CDH2: variants seen among roughly 807,000 people sequenced by gnomAD.
The protein encoded by CDH2 is cadherin 2.
Under a neutral mutation model 92.0 loss-of-function variants are expected in CDH2, and 17 were observed. The observed-to-expected ratio is 0.18, with a 90% CI of 0.13 to 0.28. The LOEUF (loss-of-function observed/expected upper bound fraction) is 0.28. CDH2 is among the 10% of genes least tolerant of loss of function. The pLI, the probability that CDH2 is intolerant of heterozygous loss-of-function variation, is 1.00. For missense variants in CDH2, 862 were observed against 1,133.1 expected (o/e 0.76, Z 3.44); for synonymous variants, 419 against 415.9 (o/e 1.01, Z -0.09).
rs17498246 is a variant in CDH2 at position 28,032,351 on chromosome 18, C to T, written c.173-18442G>A. On this transcript the variant is annotated intron_variant, in intron 2 of 15. Coordinates refer to ENST00000269141, the MANE Select transcript of CDH2 (RefSeq NM_001792.5). ...CAGCATCTGAACCATCAATTATAAC[C>T]CTGCTTCAACGAGAATGTGTGTTGA... is the stretch of plus-strand genomic sequence containing the variant. Among the ~76,000 whole-genome samples the T allele has an allele frequency of 2.0e-3, 297 of 152,152 alleles. 4 individuals carry two copies. In the East Asian group the frequency reaches 0.041, roughly 21 times the overall value.
At chr18:28,068,850 G>A (rs2144162447) in intron 2 of CDH2, among the ~76,000 whole-genome samples, 2 of 152,256 alleles carry the variant, frequency 1.3e-5, no homozygotes, top group Admixed American at 1.3e-4. Flanking sequence ...CATTTGAAAA[G>A]CTATTCAATC....
chr18:28,047,868 CAAAAAA>C (rs149752979), intron 2 of CDH2, among the ~76,000 whole-genome samples: 2 of 46,950 alleles, frequency 4.3e-5, no homozygotes, highest in Admixed American at 2.4e-4. Context: ...GACTCCATCT[CAAAAAA>C]AAAAAAAAAA....
rs11564408 is a variant in CDH2, at chr18:28,070,553, T to C, written c.173-56644A>G. 7.8e-3 allele frequency among the ~76,000 whole-genome samples: 1,186 copies of C among 152,292 alleles called. 5 individuals are homozygous for C. Among genetic ancestry groups the C allele is most frequent in the Middle Eastern group, 0.027 (8 of 294 alleles). On this transcript the variant is annotated intron_variant, in intron 2 of 15. Coordinates refer to ENST00000269141, the MANE Select transcript of CDH2 (RefSeq NM_001792.5). ...GATGCCGACCAAACTGCCAAGCTAATGCATCTGAGAAGGGAATACATACAA... is the reference window on the plus strand; with the variant it reads ...GATGCCGACCAAACTGCCAAGCTAACGCATCTGAGAAGGGAATACATACAA...
intron 6 of CDH2, among the ~76,000 whole-genome samples, chr18:27,936,352 C>T (rs371746491): frequency 9.9e-5 from 15 of 152,256 alleles, no homozygotes; most frequent in African/African-American, 3.6e-4. Context: ...ACTGACGATT[C>T]TGGGACACAA....
chr18:28,119,551 T>C (rs2015552301), intron 2 of CDH2, among the ~76,000 whole-genome samples: 1 of 152,142 alleles, frequency 6.6e-6, no homozygotes, highest in Non-Finnish European at 1.5e-5. Flanking sequence ...AATAATGCCT[T>C]AATATTGAGC....
rs1372256430 is a variant in CDH2 at position 28,028,093 on chromosome 18, GTTTCAACATGAA to G, written c.173-14196_173-14185del. ...TGTTAACTTTGAAAGAAAAAGAAGA[GTTTCAACATGAA>G]TTTTACTCATAACAGACATTTTGCT... On this transcript the variant is annotated intron_variant, in intron 2 of 15. Coordinates refer to ENST00000269141, the MANE Select transcript of CDH2 (RefSeq NM_001792.5). Among the ~76,000 whole-genome samples, 6 of 151,734 alleles carry G rather than the reference GTTTCAACATGAA, an allele frequency of 4.0e-5. No individual in the cohort carries two copies. The East Asian group carries it at 1.2e-3, about 29-fold the overall frequency.
At chr18:28,028,378 A>G (rs1395881323) in intron 2 of CDH2, among the ~76,000 whole-genome samples, 1 of 152,154 alleles carries the variant, frequency 6.6e-6, no homozygotes, top group African/African-American at 2.4e-5. Context: ...TAAGCACACT[A>G]GCCCCACTGG....
At chr18:28,149,965 G>A (rs958432529) in intron 1 of CDH2, among the ~76,000 whole-genome samples, 1 of 152,164 alleles carries the variant, frequency 6.6e-6, no homozygotes, top group African/African-American at 2.4e-5. Context: ...GGGACACTGG[G>A]AGACAGTCTG....
At chr18:27,941,132 T>G (rs1054637652) in intron 6 of CDH2, among the ~76,000 whole-genome samples, 1 of 148,510 alleles carries the variant, frequency 6.7e-6, no homozygotes, top group African/African-American at 2.5e-5. Flanking sequence ...GCCTCCCGGG[T>G]TCACGCCATT....
At chr18:28,153,608 C>G (rs1314811440) in intron 1 of CDH2, among the ~76,000 whole-genome samples, 4 of 152,210 alleles carry the variant, frequency 2.6e-5, no homozygotes. Flanking sequence ...GCAGCATGAA[C>G]TTCCAACAGG....
intron 2 of CDH2, among the ~76,000 whole-genome samples, chr18:28,023,006 A>G (rs1309048242): frequency 6.6e-6 from 1 of 152,266 alleles, no homozygotes; most frequent in Non-Finnish European, 1.5e-5. Flanking sequence ...ATTTAAACAC[A>G]CAATGTATTT....
At chr18:27,992,464 C>T (rs1470962629) in intron 9 of CDH2, among the ~76,000 whole-genome samples, 191 bp downstream of exon 9, 4 of 152,192 alleles carry the variant, frequency 2.6e-5, no homozygotes, top group South Asian at 2.1e-4. Context: ...TGTGAGAGTA[C>T]TGATGTTGGC....
At position 27,952,267 on chromosome 18, in the gene CDH2, G is replaced by A. The variant is rs1185037395; in HGVS notation, c.2607C>T (p.Ser869=). 1 of 1,613,584 alleles carries A rather than the reference G, an allele frequency of 6.2e-7. No homozygotes were observed. The part of the protein sequence containing the change: ...DYEGSGSTAG[S]LSSLNSSSSG... ...TACTTGAGGAATTAAGGGAGCTCAA[G>A]GACCCAGCAGTGGAGCCACTGCCTT... Residue 869 remains serine (S), a synonymous_variant, in exon 16 of 16, where the codon TCC becomes TCT. Coordinates refer to ENST00000269141, the MANE Select transcript of CDH2 (RefSeq NM_001792.5).
intron 1 of CDH2, chr18:28,159,370 T>C (rs1399061832): frequency 2.0e-5 from 3 of 152,228 alleles, no homozygotes; most frequent in African/African-American, 4.8e-5. Context: ...GACTTGCCAA[T>C]AGATGAAGGC....
chr18:27,942,408 G>A (rs1403043780), intron 6 of CDH2, among the ~76,000 whole-genome samples: 1 of 152,128 alleles, frequency 6.6e-6, no homozygotes, highest in East Asian at 1.9e-4. Context: ...TGCTCCAGGT[G>A]TCCCCTATTC....
chr18:27,948,621 A>T (rs940538164), downstream of CDH2, among the ~76,000 whole-genome samples: 13 of 151,968 alleles, frequency 8.6e-5, no homozygotes, highest in Admixed American at 7.2e-4. Context: ...AACAGGGAAA[A>T]TAAAATACGT....
intron 7 of CDH2, 108 bp downstream of exon 7, chr18:28,002,889 G>T: frequency 2.0e-6 from 2 of 1,012,782 alleles, no homozygotes; most frequent in South Asian, 1.5e-5. Context: ...ATTAGCATTT[G>T]AATAACACTG....
At chr18:27,935,142 G>T (rs1908987192) in intron 6 of CDH2, among the ~76,000 whole-genome samples, 1 of 152,116 alleles carries the variant, frequency 6.6e-6, no homozygotes, top group Admixed American at 6.5e-5. Flanking sequence ...AGTAAGTATT[G>T]CCATGTGTAT....
At chr18:28,156,219 T>C (rs1170579850) in intron 1 of CDH2, among the ~76,000 whole-genome samples, 1 of 152,200 alleles carries the variant, frequency 6.6e-6, no homozygotes, top group Non-Finnish European at 1.5e-5. Context: ...AGTTTTCTCA[T>C]TGTCATTTCT....
Sources: gnomAD v4.1 joint callset for allele counts (sites outside exome capture counted in the v4.1 genomes callset) on GRCh38, gnomAD v4.1.1 for gene constraint, MANE v1.5 for transcripts, NCBI Gene and HGNC (gene_info 2026-07-23, HGNC 2026-07-21) for gene names.